Variants in PIP5K1C observed in about 807,000 individuals in gnomAD.
The protein encoded by PIP5K1C is phosphatidylinositol 4-phosphate 5-kinase type-1 gamma.
PIP5K1C carries 45 observed loss-of-function variants against 80.1 expected under a neutral mutation model. The observed-to-expected ratio is 0.56, with a 90% CI of 0.44 to 0.72. The LOEUF (loss-of-function observed/expected upper bound fraction) is 0.72, where lower values mean the gene tolerates loss of function less well. PIP5K1C is among the 30% of genes least tolerant of loss of function. The pLI, the probability that PIP5K1C is intolerant of heterozygous loss-of-function variation, is 0.00. For missense variants in PIP5K1C, 753 were observed against 954.6 expected, an observed-to-expected ratio of 0.79 and a Z score of 2.78; for synonymous variants, 498 against 420.1, an observed-to-expected ratio of 1.19 and a Z score of -2.27.
chr19:3,657,695 TGAG>T (rs914986233), intron 5 of PIP5K1C, among the ~76,000 whole-genome samples: 2 of 151,420 alleles, frequency 1.3e-5, no homozygotes, highest in Admixed American at 6.6e-5. Context: ...CTTGGGAGGC[TGAG>T]GAGGATCATT....
At position 3,643,326 on chromosome 19, in the gene PIP5K1C, G is replaced by A; in HGVS notation, c.1566C>T (p.Ala522=). The A allele has an allele frequency of 6.2e-7, 1 of 1,613,986 alleles. No individual in the cohort carries two copies. The highest frequency in any genetic ancestry group is 8.5e-7 in the Non-Finnish European group (1 of 1,179,958). The change falls in exon 13 of 18, where the codon GCC becomes GCT. Residue 522 remains alanine (A), a synonymous_variant. Transcript: ENST00000335312. Reference sequence around the variant, plus strand: ...TGGATGACAGAGTCGTGGCAATGGAGGCTGTAGTGGCTTCTTCGAAAGAAG... The same window carrying A: ...TGGATGACAGAGTCGTGGCAATGGAAGCTGTAGTGGCTTCTTCGAAAGAAG... ...TPPSFEEATT[A]SIATTLSSTS...
chr19:3,667,738 C>T lies in PIP5K1C; in HGVS notation c.95-385G>A, dbSNP rs2035061095. On this transcript the variant is annotated intron_variant, in intron 1 of 17. Transcript: ENST00000335312. The stretch of plus-strand genomic sequence containing the variant: ...AACCTCCCCCGGCTCTGACCCCCTT[C>T]ACACCCAGACATGAGGTTCTGGGCA... Among the ~76,000 whole-genome samples the T allele has an allele frequency of 2.0e-5, 3 of 152,226 alleles. No individual in the cohort carries two copies. In the South Asian group the frequency reaches 6.2e-4, roughly 31 times the overall value.
At position 3,660,999 on chromosome 19, in the gene PIP5K1C, C is replaced by T; in HGVS notation, c.435G>A (p.Arg145=). 1 of 1,613,908 alleles carries T rather than the reference C, an allele frequency of 6.2e-7. No homozygotes were observed. Among genetic ancestry groups the T allele is most frequent in the Non-Finnish European group, 8.5e-7 (1 of 1,179,922 alleles). Residue 145 remains arginine (R), a synonymous_variant, in exon 5 of 18, where the codon CGG becomes CGA. Transcript: ENST00000335312. ...CATCTGGCCGGATCCCAAAGAGCTC[C>T]CGGAAGTAGCGGAAGGCGACAGGTG... ...TYAPVAFRYF[R]ELFGIRPDDY...
At position 3,661,941 on chromosome 19, in the gene PIP5K1C, G is replaced by A; in HGVS notation, c.280C>T (p.Leu94=). The A allele has an allele frequency of 6.2e-7, 1 of 1,611,748 alleles. No individual in the cohort carries two copies. Among genetic ancestry groups the A allele is most frequent in the Non-Finnish European group, 8.5e-7 (1 of 1,179,560 alleles). Residue 94 remains leucine (L), a synonymous_variant, in exon 4 of 18, where the codon CTG becomes TTG. Transcript: ENST00000335312. ...ACGTCGCGTTCGGGCTTGGAGCTCA[G>A]GTGGCCCACGGTGTAGCCGATGCCC... ...QLGIGYTVGH[L]SSKPERDVLM... is the part of the protein sequence containing the mutation.
Position 3,661,969 on chromosome 19 carries a change from C to T in PIP5K1C, c.252G>A (p.Gln84=), listed in dbSNP as rs1200718804. The change falls in exon 4 of 18, where the codon CAG becomes CAA. Residue 84 remains glutamine (Q), a synonymous_variant. Coordinates refer to ENST00000335312, the MANE Select transcript of PIP5K1C (RefSeq NM_012398.3). ...GGCCCACGGTGTAGCCGATGCCCAG[C>T]TGGATGGCACCCTTCAGGGTGGAGG... ...TTSSTLKGAI[Q]LGIGYTVGHL... The T allele has an allele frequency of 1.9e-6, 3 of 1,608,134 alleles. No homozygotes were observed. The highest frequency in any genetic ancestry group is 2.5e-6 in the Non-Finnish European group (3 of 1,178,258).
chr19:3,664,972 G>C lies in PIP5K1C; in HGVS notation c.127-58C>G, dbSNP rs1319510053. ...TAAGGAGCACGCCCACCGGGACAGGGCACGCTCTGAAACCCTGGGAAGAAA... is the reference window on the plus strand; with the variant it reads ...TAAGGAGCACGCCCACCGGGACAGGCCACGCTCTGAAACCCTGGGAAGAAA... On this transcript the variant is annotated intron_variant, in intron 2 of 17. Coordinates refer to ENST00000335312, the MANE Select transcript of PIP5K1C (RefSeq NM_012398.3). 4 of 1,356,284 alleles carry C rather than the reference G, an allele frequency of 2.9e-6. No individual in the cohort carries two copies. In the African/African-American group the frequency reaches 5.7e-5, roughly 19 times the overall value. The allele number at this position is 1,356,284 out of a possible 1,614,324, so 84.0% of individuals were successfully genotyped here.
chr19:3,634,117 C>G (rs1231910292), intron 16 of PIP5K1C, among the ~76,000 whole-genome samples: 1 of 152,156 alleles, frequency 6.6e-6, no homozygotes, highest in East Asian at 1.9e-4. Flanking sequence ...CCTTCCTGAG[C>G]AGCAGGGCAG....
chr19:3,642,824 G>A, intron 14 of PIP5K1C, 83 bp downstream of exon 14: 1 of 1,103,136 alleles, frequency 9.1e-7, no homozygotes, highest in Non-Finnish European at 1.4e-6. Flanking sequence ...AGAGAGCAGA[G>A]GGGCTGGGGG....
chr19:3,645,497 CACT>C (rs1238426054), intron 11 of PIP5K1C, among the ~76,000 whole-genome samples: 3 of 152,238 alleles, frequency 2.0e-5, no homozygotes, highest in Non-Finnish European at 4.4e-5. Context: ...CCTTCCCCAC[CACT>C]GTTTGCCCTG....
intron 11 of PIP5K1C, 81 bp downstream of exon 11, chr19:3,645,893 T>A: frequency 9.2e-7 from 1 of 1,084,528 alleles, no homozygotes; most frequent in Non-Finnish European, 1.4e-6. Context: ...GCTCTCGGCC[T>A]CCCGCAGAGT....
intron 5 of PIP5K1C, among the ~76,000 whole-genome samples, chr19:3,660,062 A>G (rs871534): frequency 0.55 from 84,213 of 152,036 alleles, 23,581 homozygotes; most frequent in East Asian, 0.71. Context: ...CGCAGGTTGG[A>G]TGCCGGGGCT....
chr19:3,639,323 C>T (rs1000791460), intron 15 of PIP5K1C, among the ~76,000 whole-genome samples: 4 of 152,188 alleles, frequency 2.6e-5, no homozygotes, highest in Non-Finnish European at 1.5e-5. Context: ...TCACCCTCAC[C>T]GGCTGTGCCA....
At chr19:3,697,997 G>A (rs887068398) in intron 1 of PIP5K1C, among the ~76,000 whole-genome samples, 17 of 152,366 alleles carry the variant, frequency 1.1e-4, no homozygotes, top group South Asian at 2.1e-4. Context: ...GCCTCCCATC[G>A]GATCAGCCGA....
At position 3,642,951 on chromosome 19, in the gene PIP5K1C, C is replaced by T. The variant is rs765423580; in HGVS notation, c.1650-12G>A. The stretch of plus-strand genomic sequence containing the variant: ...ACTGTGTGCGCCGCCTGCAGAGATA[C>T]AGCAAACACGTGACACCCAGAAAGA... On this transcript the variant is annotated splice_polypyrimidine_tract_variant and intron_variant, in intron 13 of 17. Coordinates refer to ENST00000335312, the MANE Select transcript of PIP5K1C (RefSeq NM_012398.3). 1.2e-5 allele frequency: 19 copies of T among 1,613,376 alleles called. No homozygotes were observed. The South Asian group carries it at 2.0e-4, about 17-fold the overall frequency.
chr19:3,643,979 G>C (rs958870724), intron 12 of PIP5K1C, 108 bp downstream of exon 12: 6 of 1,336,862 alleles, frequency 4.5e-6, no homozygotes, highest in Non-Finnish European at 6.2e-6. Context: ...AGATCCGGAG[G>C]GGGTGGCTGA....
Position 3,633,150 on chromosome 19 carries a change from C to T in PIP5K1C, c.*17G>A, listed in dbSNP as rs370426870. 65 of 745,052 alleles carry T rather than the reference C, an allele frequency of 8.7e-5. No homozygotes were observed. Among genetic ancestry groups the T allele is most frequent in the Admixed American group, 2.0e-4 (11 of 56,094 alleles). The allele number at this position is 745,052 out of a possible 1,614,324, so 46.2% of individuals were successfully genotyped here. A position where few individuals can be genotyped will look rare whatever the true frequency, so the allele number is the denominator to read the frequency against. On this transcript the variant is annotated 3_prime_UTR_variant, in exon 18 of 18. Transcript: ENST00000335312. ...GCAGAAGTGGAGCTCGGCTCTGGGT[C>T]GGGGGCTGCATAGAAATTACTGCAA...
intron 10 of PIP5K1C, 58 bp from the exon 11 acceptor site, chr19:3,646,116 G>A (rs1022291654): frequency 6.5e-6 from 7 of 1,079,022 alleles, no homozygotes; most frequent in Non-Finnish European, 1.0e-5. Flanking sequence ...CAACAGCTGG[G>A]GACAGCCCCA....
At position 3,649,890 on chromosome 19, in the gene PIP5K1C, G is replaced by A. The variant is rs902325838; in HGVS notation, c.1128-1182C>T. 8.9e-4 allele frequency: 256 copies of A among 286,672 alleles called. 2 individuals carry two copies. The highest frequency in any genetic ancestry group is 1.5e-3 in the Non-Finnish European group (225 of 146,342). The allele number at this position is 286,672 out of a possible 1,614,324, so 17.8% of individuals were successfully genotyped here. Reference sequence around the variant, plus strand: ...GCCCACACGTCCCCTGCCCAGCGCGGTTAGTGAGGCCACACGTGCAGCAGT... The same window carrying A: ...GCCCACACGTCCCCTGCCCAGCGCGATTAGTGAGGCCACACGTGCAGCAGT... On this transcript the variant is annotated intron_variant, in intron 8 of 17. Transcript: ENST00000335312.
intron 16 of PIP5K1C, chr19:3,638,077 G>A (rs1450701482): frequency 3.5e-6 from 5 of 1,438,656 alleles, no homozygotes; most frequent in African/African-American, 2.9e-5. Flanking sequence ...CTAAGGCCTG[G>A]TGCCCGTGCC....
Sources: allele counts gnomAD v4.1 joint callset (sites outside exome capture counted in the v4.1 genomes callset), GRCh38; gene constraint gnomAD v4.1.1; transcripts MANE v1.5; gene names NCBI Gene and HGNC (gene_info 2026-07-23, HGNC 2026-07-21).